AK5: variants seen among roughly 807,000 people sequenced by gnomAD.
AK5 encodes the protein adenylate kinase isoenzyme 5.
AK5 carries 27 observed loss-of-function variants against 69.5 expected under a neutral mutation model. The ratio of observed to expected loss-of-function variants is 0.39; its 90% CI spans 0.29 to 0.54. The LOEUF (loss-of-function observed/expected upper bound fraction) is 0.54, where lower values mean the gene tolerates loss of function less well. AK5 is among the 20% of genes least tolerant of loss of function. AK5 has a pLI of 0.71. For missense variants in AK5, 531 were observed against 700.4 expected (o/e 0.76, Z 2.73); for synonymous variants, 260 against 244.4 (o/e 1.06, Z -0.60).
chr1:77,384,761 G>C (rs1647886888), intron 6 of AK5, among the ~76,000 whole-genome samples: 1 of 152,182 alleles, frequency 6.6e-6, no homozygotes, highest in Admixed American at 6.5e-5. Flanking sequence ...TGAGTTCAAA[G>C]TATATAATAG....
intron 8 of AK5, among the ~76,000 whole-genome samples, chr1:77,483,015 AAAAAAAAAAAAAAAAAAAAAAAAAAG>A (rs1655361811): frequency 8.5e-6 from 1 of 117,716 alleles, no homozygotes; most frequent in African/African-American, 3.2e-5. Flanking sequence ...AAAAAAAAAA[AAAAAAAAAAAAAAAAAAAAAAAAAAG>A]AGGTGAGATA....
intron 6 of AK5, among the ~76,000 whole-genome samples, chr1:77,389,248 G>A (rs771946450): frequency 3.9e-5 from 6 of 152,148 alleles, no homozygotes; most frequent in South Asian, 4.1e-4. Context: ...ACATCTGCCT[G>A]AGAAAAGAAA....
chr1:77,420,226 A>G (rs1411506029), intron 8 of AK5: 2 of 152,204 alleles, frequency 1.3e-5, no homozygotes, highest in African/African-American at 2.4e-5. Context: ...ATTAAATGGT[A>G]TGCCCTCATT....
In AK5 at chr1:77,518,538, T is replaced by C. The variant is rs1657796657; in HGVS notation, c.1148-26T>C. The C allele has an allele frequency of 2.5e-6, 4 of 1,610,708 alleles. No homozygotes were observed. In the African/African-American group the frequency reaches 5.3e-5, roughly 22 times the overall value. ...AATGAGGCACCAGACTTGGAATGCA[T>C]GTCTGACACATGACTTCTTTTCAAG... On this transcript the variant is annotated intron_variant, in intron 10 of 13. Coordinates refer to ENST00000354567, the MANE Select transcript of AK5 (RefSeq NM_174858.3).
intron 5 of AK5, among the ~76,000 whole-genome samples, chr1:77,316,892 A>G (rs140826290): frequency 1.3e-5 from 2 of 152,232 alleles, no homozygotes; most frequent in African/African-American, 4.8e-5. Flanking sequence ...TCAATATCCA[A>G]ACTTTGTGTA....
rs780841190 is a variant in AK5 at position 77,392,193 on chromosome 1, CTA to C, written c.892-18786_892-18785del. 1.9e-3 allele frequency among the ~76,000 whole-genome samples: 287 copies of C among 152,080 alleles called. 3 individuals carry two copies. Among genetic ancestry groups the C allele is most frequent in the Non-Finnish European group, 1.5e-3 (101 of 67,864 alleles). Reference sequence around the variant, plus strand: ...AGGCCTGCCTGTAGTTTAAAATATACTATGAGTATTATTACAAGGCATGAGAT... The same window carrying C: ...AGGCCTGCCTGTAGTTTAAAATATACTGAGTATTATTACAAGGCATGAGAT... On this transcript the variant is annotated intron_variant, in intron 6 of 13. Transcript: ENST00000354567.
chr1:77,480,250 C>T (rs1655179438), intron 8 of AK5, among the ~76,000 whole-genome samples: 1 of 152,180 alleles, frequency 6.6e-6, no homozygotes, highest in African/African-American at 2.4e-5. Flanking sequence ...TCAAACATCT[C>T]ATTCACCTGG....
At chr1:77,521,509 T>C (rs1657981577) in intron 11 of AK5, among the ~76,000 whole-genome samples, 1 of 152,204 alleles carries the variant, frequency 6.6e-6, no homozygotes, top group African/African-American at 2.4e-5. Context: ...TGCTACCATA[T>C]GAAATGCAGC....
At chr1:77,467,987 G>C (rs891764217) in intron 8 of AK5, among the ~76,000 whole-genome samples, 7 of 152,140 alleles carry the variant, frequency 4.6e-5, no homozygotes, top group Admixed American at 2.6e-4. Flanking sequence ...GCTGAGACCA[G>C]CAGCAGCAGC....
intron 13 of AK5, 51 bp downstream of exon 13, chr1:77,536,089 T>A (rs768830273): frequency 6.5e-7 from 1 of 1,533,690 alleles, no homozygotes; most frequent in Non-Finnish European, 8.8e-7. Flanking sequence ...CTTTTTTTTT[T>A]TTTTCCAAGA....
intron 1 of AK5, among the ~76,000 whole-genome samples, chr1:77,284,438 T>A (rs750361103): frequency 6.6e-6 from 1 of 152,250 alleles, no homozygotes; most frequent in Non-Finnish European, 1.5e-5. Flanking sequence ...CTGATTATTG[T>A]ATTGACGTAT....
Position 77,559,459 on chromosome 1 carries a change from A to AC in AK5, c.*789_*790insC, listed in dbSNP as rs1290812116. ...AATTATAAATTAATATAAATGACCA[A>AC]AAGTAACTTAAAAGCATGAGATATT... On this transcript the variant is annotated 3_prime_UTR_variant, in exon 14 of 14. Coordinates refer to ENST00000354567, the MANE Select transcript of AK5 (RefSeq NM_174858.3). 6.6e-6 allele frequency: 1 copy of AC among 152,170 alleles called. No homozygotes were observed. The highest frequency in any genetic ancestry group is 1.5e-5 in the Non-Finnish European group (1 of 68,034). 9.4% of individuals were successfully genotyped at this position (152,170 alleles called of 1,614,324 possible).
intron 5 of AK5, among the ~76,000 whole-genome samples, chr1:77,327,994 A>G (rs1000431648): frequency 6.6e-6 from 1 of 152,170 alleles, no homozygotes; most frequent in Non-Finnish European, 1.5e-5. Flanking sequence ...ATGGAAGACA[A>G]TGCCAGCCCA....
In AK5 at chr1:77,499,024, A is replaced by G. The variant is rs778700240; in HGVS notation, c.1147+12672A>G. On this transcript the variant is annotated intron_variant, in intron 10 of 13. Transcript: ENST00000354567. ...TATGCTGCCATTTCCTCTAGCTGAC[A>G]CATTCTTGCAGTTGTCAACAACCCA... Among the ~76,000 whole-genome samples, 29 of 152,320 alleles carry G rather than the reference A, an allele frequency of 1.9e-4. 1 individual carries two copies. The highest frequency in any genetic ancestry group is 7.2e-4 in the Admixed American group (11 of 15,306).
chr1:77,525,459 G>C (rs1408720694), intron 12 of AK5, among the ~76,000 whole-genome samples: 1 of 152,332 alleles, frequency 6.6e-6, no homozygotes, highest in African/African-American at 2.4e-5. Flanking sequence ...TTCTGGTGAG[G>C]CCTCAGGAAG....
Position 77,416,083 on chromosome 1 carries a change from C to T in AK5, c.983-1556C>T, listed in dbSNP as rs955239396. ...ATTTCTGATACTTACTGCCTCACAA[C>T]ATAAGTGCAAACTGACCTTCAAACT... On this transcript the variant is annotated intron_variant, in intron 7 of 13. Coordinates refer to ENST00000354567, the MANE Select transcript of AK5 (RefSeq NM_174858.3). 5.9e-5 allele frequency among the ~76,000 whole-genome samples: 9 copies of T among 152,034 alleles called. No homozygotes were observed. In the South Asian group the frequency reaches 1.9e-3, roughly 32 times the overall value.
chr1:77,317,502 T>C (rs1660305204), intron 5 of AK5, among the ~76,000 whole-genome samples: 1 of 152,162 alleles, frequency 6.6e-6, no homozygotes, highest in Non-Finnish European at 1.5e-5. Context: ...GCTCAATAAA[T>C]AATAAATACC....
intron 8 of AK5, among the ~76,000 whole-genome samples, chr1:77,423,234 A>T: frequency 6.7e-6 from 1 of 148,824 alleles, no homozygotes; most frequent in Non-Finnish European, 1.5e-5. Flanking sequence ...AAAAAAATAA[A>T]AAAAAAAGAA....
intron 8 of AK5, among the ~76,000 whole-genome samples, chr1:77,435,124 G>A (rs991431245): frequency 2.0e-5 from 3 of 152,134 alleles, no homozygotes; most frequent in Admixed American, 6.6e-5. Flanking sequence ...TTGAAGGAGC[G>A]AGTTATCAAC....
Sources: gnomAD v4.1 joint callset for allele counts (sites outside exome capture counted in the v4.1 genomes callset) on GRCh38, gnomAD v4.1.1 for gene constraint, MANE v1.5 for transcripts, NCBI Gene and HGNC (gene_info 2026-07-23, HGNC 2026-07-21) for gene names.